The following PSD3 variants were observed in gnomAD, a reference collection of about 807,000 sequenced individuals.
PSD3 encodes the protein pleckstrin and Sec7 domain containing 3, also known as PH and SEC7 domain-containing protein 3.
Under a neutral mutation model 105.5 loss-of-function variants are expected in PSD3, and 49 were observed. The observed-to-expected ratio is 0.46, with a 90% CI of 0.37 to 0.59. The LOEUF is 0.59. Among genes scored for constraint, PSD3 ranks in the 20% least tolerant of loss-of-function variants. The probability of loss-of-function intolerance (pLI) is 0.00; values close to 1 mark genes in which losing one functional copy is unlikely to be tolerated. For synonymous variants in PSD3, 557 were observed against 457.8 expected (o/e 1.22, Z -2.77); for missense variants, 1,561 against 1,263.8 (o/e 1.24, Z -3.57).
chr8:18,703,574 C>G (rs537625107), intron 9 of PSD3, among the ~76,000 whole-genome samples: 5 of 152,178 alleles, frequency 3.3e-5, no homozygotes, highest in African/African-American at 9.6e-5. Flanking sequence ...GAAAAGAGAT[C>G]CCATATAGAG....
At chr8:19,067,332 T>C (rs540816127) in intron 1 of PSD3, among the ~76,000 whole-genome samples, 6 of 151,958 alleles carry the variant, frequency 3.9e-5, no homozygotes, top group Admixed American at 6.5e-5. Context: ...AATCTGAGAG[T>C]TGGGAAGAAA....
chr8:18,560,928 G>C (rs1031812654), intron 14 of PSD3, among the ~76,000 whole-genome samples: 4 of 152,198 alleles, frequency 2.6e-5, no homozygotes, highest in Non-Finnish European at 5.9e-5. Context: ...AAGTGCTGGA[G>C]TGATATAGGT....
At chr8:18,868,270 A>C (rs1817096939) in intron 3 of PSD3, among the ~76,000 whole-genome samples, 1 of 152,122 alleles carries the variant, frequency 6.6e-6, no homozygotes, top group Non-Finnish European at 1.5e-5. Flanking sequence ...GGACACTATA[A>C]ATACTTTAAT....
At chr8:19,026,073 CATCA>C (rs1827539398) in intron 1 of PSD3, among the ~76,000 whole-genome samples, 1 of 152,052 alleles carries the variant, frequency 6.6e-6, no homozygotes, top group Admixed American at 6.6e-5. Context: ...TTTATAAAAC[CATCA>C]GATATTGTGA....
chr8:18,801,778 A>C (rs945540450), intron 6 of PSD3, among the ~76,000 whole-genome samples: 15 of 152,052 alleles, frequency 9.9e-5, no homozygotes, highest in Non-Finnish European at 1.5e-5. Context: ...CAGTAAGCTG[A>C]GGTCGCGCCA....
chr8:19,024,401 C>G (rs370299880), intron 1 of PSD3, among the ~76,000 whole-genome samples: 1 of 152,248 alleles, frequency 6.6e-6, no homozygotes, highest in Non-Finnish European at 1.5e-5. Context: ...GAAGACCATG[C>G]CAGGGGCCTC....
chr8:19,071,102 C>T (rs1257110798), intron 1 of PSD3, among the ~76,000 whole-genome samples: 1 of 151,794 alleles, frequency 6.6e-6, no homozygotes, highest in Non-Finnish European at 1.5e-5. Flanking sequence ...TACTGTTGCC[C>T]AGGCTGGAGA....
At chr8:18,580,724 A>T (rs1186438314) in intron 12 of PSD3, among the ~76,000 whole-genome samples, 1 of 152,134 alleles carries the variant, frequency 6.6e-6, no homozygotes, top group Non-Finnish European at 1.5e-5. Context: ...TAACGAACTG[A>T]TTTTTCACTT....
chr8:18,915,711 CA>C (rs1820537128), intron 2 of PSD3, among the ~76,000 whole-genome samples: 1 of 152,044 alleles, frequency 6.6e-6, no homozygotes, highest in Non-Finnish European at 1.5e-5. Context: ...TGGCTAATAT[CA>C]AAAAGATAAA....
chr8:18,721,163 C>G (rs1376467705), intron 9 of PSD3: 1 of 152,040 alleles, frequency 6.6e-6, no homozygotes, highest in Non-Finnish European at 1.5e-5. Context: ...CCGGACACCC[C>G]TGAAAACTCA....
chr8:19,044,367 C>T (rs1828240359), intron 1 of PSD3, among the ~76,000 whole-genome samples: 2 of 152,116 alleles, frequency 1.3e-5, no homozygotes, highest in Admixed American at 1.3e-4. Flanking sequence ...TGGTGTAATG[C>T]AAGAGCCTGA....
intron 12 of PSD3, among the ~76,000 whole-genome samples, chr8:18,578,447 T>C (rs924388051): frequency 2.0e-5 from 3 of 152,152 alleles, no homozygotes; most frequent in African/African-American, 7.2e-5. Flanking sequence ...TACAATACCC[T>C]CCTGGTTTCT....
At chr8:18,544,593 T>C (rs1339776836) in intron 15 of PSD3, among the ~76,000 whole-genome samples, 10 of 152,174 alleles carry the variant, frequency 6.6e-5, no homozygotes, top group South Asian at 4.1e-4. Flanking sequence ...TTTTGATTCA[T>C]TCTCCCTTTC....
intron 9 of PSD3, among the ~76,000 whole-genome samples, chr8:18,736,948 G>A (rs1185515831): frequency 6.6e-6 from 1 of 152,156 alleles, no homozygotes; most frequent in East Asian, 1.9e-4. Context: ...CAAATATAGA[G>A]AGATGATTAT....
chr8:18,861,837 A>G, intron 4 of PSD3, among the ~76,000 whole-genome samples: 1 of 152,200 alleles, frequency 6.6e-6, no homozygotes. Flanking sequence ...GGCTATTTCC[A>G]TCTTACCAAT....
chr8:18,903,084 G>A (rs1819613423), intron 2 of PSD3, among the ~76,000 whole-genome samples: 2 of 152,066 alleles, frequency 1.3e-5, no homozygotes, highest in African/African-American at 4.8e-5. Flanking sequence ...GATGTAAGTT[G>A]CCCCCGGAAC....
chr8:18,644,678 G>T (rs767757082), intron 10 of PSD3, among the ~76,000 whole-genome samples: 1 of 152,042 alleles, frequency 6.6e-6, no homozygotes. Context: ...AGCAGTCTAG[G>T]CTTTTTCTAG....
At chr8:18,989,133 A>G (rs13274730) in intron 1 of PSD3, 63,498 of 152,132 alleles carry the variant, frequency 0.42, 14,135 homozygotes, top group Non-Finnish European at 0.51. Context: ...AAAGGCCATG[A>G]ATGTAAAAAC....
intron 1 of PSD3, among the ~76,000 whole-genome samples, chr8:18,964,866 T>C (rs1035284082): frequency 9.9e-5 from 15 of 152,202 alleles, no homozygotes; most frequent in African/African-American, 3.4e-4. Flanking sequence ...GAACTATAAT[T>C]ATTTGTGTGG....
Sources: allele counts gnomAD v4.1 joint callset (sites outside exome capture counted in the v4.1 genomes callset), GRCh38; gene constraint gnomAD v4.1.1; transcripts MANE v1.5; gene names NCBI Gene and HGNC (gene_info 2026-07-23, HGNC 2026-07-21).